The following ASXL3 variants were observed in gnomAD, a reference collection of about 807,000 sequenced individuals.
ASXL3 encodes the protein ASXL transcriptional regulator 3.
Under a neutral mutation model 170.6 loss-of-function variants are expected in ASXL3, and 34 were observed. The observed-to-expected ratio is 0.20, with a 90% confidence interval of 0.15 to 0.27. The LOEUF (loss-of-function observed/expected upper bound fraction) is 0.27. Ranked by LOEUF, ASXL3 falls within the 10% of genes least tolerant of loss-of-function variation. ASXL3 has a pLI of 1.00. For missense variants in ASXL3, 2,592 were observed against 2,695.3 expected (o/e 0.96, Z 0.85); for synonymous variants, 1,002 against 989.1 (o/e 1.01, Z -0.24).
At chr18:33,638,756 C>G (rs1303479795) in intron 2 of ASXL3, among the ~76,000 whole-genome samples, 4 of 152,144 alleles carry the variant, frequency 2.6e-5, no homozygotes, top group Non-Finnish European at 1.5e-5. Flanking sequence ...AACTGGGAAT[C>G]ATGCCTACAT....
At chr18:33,647,274 T>A (rs894015672) in intron 4 of ASXL3, among the ~76,000 whole-genome samples, 1 of 152,120 alleles carries the variant, frequency 6.6e-6, no homozygotes, top group Admixed American at 6.6e-5. Flanking sequence ...TTTAAACTTG[T>A]GTGCTGATAG....
intron 2 of ASXL3, among the ~76,000 whole-genome samples, chr18:33,628,831 T>G (rs139823545): frequency 6.6e-6 from 1 of 152,278 alleles, no homozygotes; most frequent in East Asian, 1.9e-4. Flanking sequence ...AATTCTTGTG[T>G]TCTACTTAAA....
intron 5 of ASXL3, among the ~76,000 whole-genome samples, chr18:33,668,547 G>C (rs887504043): frequency 1.3e-5 from 2 of 152,046 alleles, no homozygotes; most frequent in African/African-American, 4.8e-5. Context: ...GAAATAGTCA[G>C]GTTGTCTGAT....
chr18:33,668,498 A>T lies in ASXL3; in HGVS notation c.478-2175A>T, dbSNP rs576121722. ...CATTTAGTTTTGTTTGCCTACAGACACATAATGTGTGTCAGTGCTTTTAAA... is the reference window on the plus strand; with the variant it reads ...CATTTAGTTTTGTTTGCCTACAGACTCATAATGTGTGTCAGTGCTTTTAAA... On this transcript the variant is annotated intron_variant, in intron 5 of 11. Transcript: ENST00000269197. Among the ~76,000 whole-genome samples, 13 of 151,982 alleles carry T rather than the reference A, an allele frequency of 8.6e-5. No individual in the cohort carries two copies. In the South Asian group the frequency reaches 2.7e-3, roughly 32 times the overall value.
At position 33,739,313 on chromosome 18, in the gene ASXL3, G is replaced by C. The variant is rs2067610553; in HGVS notation, c.1909G>C (p.Glu637Gln). The change falls in exon 11 of 12, where the codon GAA becomes CAA. Residue 637 changes from glutamate to glutamine, a missense_variant. By Grantham distance (29) the Glu-to-Gln change is conservative. Transcript: ENST00000269197. ...AGGAGGGGAAACACAGTCCACATCAGAAGAATCATGTACTCCAGCCTCCCT... is the reference window on the plus strand; with the variant it reads ...AGGAGGGGAAACACAGTCCACATCACAAGAATCATGTACTCCAGCCTCCCT... ...SPGGETQSTS[E>Q]ESCTPASLET... 1 of 1,613,404 alleles carries C rather than the reference G, an allele frequency of 6.2e-7. No homozygotes were observed. The highest frequency in any genetic ancestry group is 1.3e-5 in the African/African-American group (1 of 74,906).
At chr18:33,623,250 A>G (rs893764635) in intron 2 of ASXL3, among the ~76,000 whole-genome samples, 2 of 151,548 alleles carry the variant, frequency 1.3e-5, no homozygotes, top group African/African-American at 4.9e-5. Flanking sequence ...TATCTAATAA[A>G]CTCTCTCAAT....
chr18:33,629,041 G>C (rs2065640408), intron 2 of ASXL3, among the ~76,000 whole-genome samples: 1 of 152,068 alleles, frequency 6.6e-6, no homozygotes, highest in Non-Finnish European at 1.5e-5. Context: ...AGCTGTTACT[G>C]TTATCCTAAC....
chr18:33,697,766 G>T (rs879784183), intron 8 of ASXL3, among the ~76,000 whole-genome samples: 1 of 151,960 alleles, frequency 6.6e-6, no homozygotes, highest in African/African-American at 2.4e-5. Flanking sequence ...CACTTTGAGA[G>T]GCCAAGGGGA....
At chr18:33,720,096 G>A (rs2067234211) in intron 8 of ASXL3, among the ~76,000 whole-genome samples, 1 of 151,962 alleles carries the variant, frequency 6.6e-6, no homozygotes, top group Admixed American at 6.6e-5. Flanking sequence ...GCTACAAGGG[G>A]GAATTAAAGA....
chr18:33,598,640 G>C (rs1408785363), intron 1 of ASXL3, among the ~76,000 whole-genome samples: 1 of 152,128 alleles, frequency 6.6e-6, no homozygotes, highest in Non-Finnish European at 1.5e-5. Context: ...CATTTCACTG[G>C]ATTAGTCTCT....
At chr18:33,698,496 G>A (rs761791021) in intron 8 of ASXL3, among the ~76,000 whole-genome samples, 1 of 152,210 alleles carries the variant, frequency 6.6e-6, no homozygotes, top group Admixed American at 6.5e-5. Context: ...TGGCTATACA[G>A]GTCTGGAGGT....
In ASXL3 at chr18:33,583,749, T is replaced by G. The variant is rs144850610; in HGVS notation, c.54+5064T>G. On this transcript the variant is annotated intron_variant, in intron 1 of 11. Transcript: ENST00000269197. ...CTTGGTGTACTGTGGCTTTTAGACT[T>G]GTAGAGTTGTACCTGGAAGGGAATT... 6.7e-3 allele frequency among the ~76,000 whole-genome samples: 1,013 copies of G among 152,298 alleles called. 5 individuals are homozygous for G. Among genetic ancestry groups the G allele is most frequent in the Non-Finnish European group, 9.4e-3 (636 of 68,016 alleles).
In ASXL3 at chr18:33,743,092, A is replaced by C. The variant is rs774096785; in HGVS notation, c.3244A>C (p.Ile1082Leu). The change falls in exon 12 of 12, where the codon ATT (isoleucine) becomes CTT (leucine). Residue 1082 changes from isoleucine to leucine, a missense_variant. By Grantham distance (5) the Ile-to-Leu change is conservative. Transcript: ENST00000269197. ...AAAAVAAAASIVSGAMGSPGE... is the reference protein window; with the variant it reads ...AAAAVAAAASLVSGAMGSPGE... ...TGCTGCTGTGGCTGCTGCAGCGAGC[A>C]TTGTCTCTGGAGCCATGGGAAGTCC... 6.2e-7 allele frequency: 1 copy of C among 1,613,606 alleles called. No individual in the cohort carries two copies. The highest frequency in any genetic ancestry group is 8.5e-7 in the Non-Finnish European group (1 of 1,179,736).
intron 2 of ASXL3, among the ~76,000 whole-genome samples, chr18:33,628,305 A>G (rs768502139): frequency 1.3e-5 from 2 of 152,114 alleles, no homozygotes; most frequent in Non-Finnish European, 1.5e-5. Context: ...GGCCACAGGC[A>G]AGCGTTAGAC....
intron 8 of ASXL3, among the ~76,000 whole-genome samples, chr18:33,706,961 G>C (rs1401977812): frequency 2.0e-5 from 3 of 151,726 alleles, no homozygotes; most frequent in Non-Finnish European, 4.4e-5. Context: ...ATTTGTTTTA[G>C]ATGCATATCC....
chr18:33,739,620 A>C lies in ASXL3; in HGVS notation c.2216A>C (p.Glu739Ala). Residue 739 changes from glutamate (E) to alanine (A), a missense_variant, in exon 11 of 12, where the codon GAG becomes GCG. Glu to Ala is a moderately radical substitution (Grantham distance 107). Transcript: ENST00000269197. ...SSVSSMLLTS[E>A]TTFVSSLPLP... ...GTGTCTTCCATGCTTCTCACCTCTGAGACCACTTTTGTATCCAGTTTGCCA... is the reference window on the plus strand; with the variant it reads ...GTGTCTTCCATGCTTCTCACCTCTGCGACCACTTTTGTATCCAGTTTGCCA... 12 of 1,613,970 alleles carry C rather than the reference A, an allele frequency of 7.4e-6. No homozygotes were observed. The highest frequency in any genetic ancestry group is 1.0e-5 in the Non-Finnish European group (12 of 1,179,886).
chr18:33,672,799 A>G (rs1398573415), intron 7 of ASXL3, among the ~76,000 whole-genome samples: 2 of 151,950 alleles, frequency 1.3e-5, no homozygotes, highest in Middle Eastern at 3.2e-3. Flanking sequence ...TTTTTAGTAA[A>G]GTTTTGTCAG....
At chr18:33,673,166 A>G (rs1309344688) in intron 7 of ASXL3, among the ~76,000 whole-genome samples, 1 of 152,184 alleles carries the variant, frequency 6.6e-6, no homozygotes, top group African/African-American at 2.4e-5. Flanking sequence ...CCAAAACAGT[A>G]CCACATTATC....
At chr18:33,698,739 A>G (rs1197824775) in intron 8 of ASXL3, among the ~76,000 whole-genome samples, 1 of 152,154 alleles carries the variant, frequency 6.6e-6, no homozygotes, top group Admixed American at 6.6e-5. Context: ...TCTATCATTG[A>G]ATACACTTCC....
Sources: allele counts gnomAD v4.1 joint callset (sites outside exome capture counted in the v4.1 genomes callset), GRCh38; gene constraint gnomAD v4.1.1; transcripts MANE v1.5; gene names NCBI Gene and HGNC (gene_info 2026-07-23, HGNC 2026-07-21).